RTL9: variants seen among roughly 807,000 people sequenced by gnomAD.
The protein encoded by RTL9 is retrotransposon Gag like 9, also known as retrotransposon Gag-like protein 9.
In RTL9, 19 loss-of-function variants were observed where a neutral mutation model predicts 44.7. That is an observed-to-expected ratio of 0.42 (90% CI 0.30 to 0.62). The LOEUF is 0.62. Ranked by LOEUF, RTL9 falls within the 20% of genes least tolerant of loss-of-function variation. The pLI is 0.16. For synonymous variants in RTL9, 407 were observed against 398.9 expected (o/e 1.02, Z -0.24); for missense variants, 1,105 against 1,080.6 (o/e 1.02, Z -0.32).
chrX:110,407,186 C>A (rs1444046423), intron 1 of RTL9, among the ~76,000 whole-genome samples: 3 of 112,250 alleles, frequency 2.7e-5, no homozygotes, highest in Non-Finnish European at 5.6e-5. Flanking sequence ...CTTCCCCATC[C>A]TGGTTTGCTC....
intron 1 of RTL9, among the ~76,000 whole-genome samples, chrX:110,362,843 G>A (rs530798312): frequency 8.1e-5 from 9 of 111,592 alleles, no homozygotes; most frequent in African/African-American, 2.3e-4. Context: ...CATTCACTAC[G>A]TATGTGGTAT....
At chrX:110,369,356 A>G (rs2068321606) in intron 1 of RTL9, among the ~76,000 whole-genome samples, 1 of 111,586 alleles carries the variant, frequency 9.0e-6, no homozygotes, top group African/African-American at 3.3e-5. Flanking sequence ...AGAAAAAAAG[A>G]AAAAGAAAGA....
chrX:110,405,047 T>A (rs1373251923), intron 1 of RTL9, among the ~76,000 whole-genome samples: 2 of 107,218 alleles, frequency 1.9e-5, no homozygotes, highest in Non-Finnish European at 3.8e-5. Context: ...TACGCTTTTG[T>A]CAGTTAAATT....
chrX:110,444,741 A>G (rs779738191), intron 1 of RTL9, among the ~76,000 whole-genome samples: 1 of 112,274 alleles, frequency 8.9e-6, no homozygotes, highest in South Asian at 3.8e-4. Flanking sequence ...TTCTGCTAGT[A>G]CCTCTAGGTA....
upstream of RTL9, among the ~76,000 whole-genome samples, chrX:110,415,093 TC>T (rs1036902071): frequency 3.5e-4 from 39 of 112,244 alleles, no homozygotes; most frequent in African/African-American, 1.2e-3. Context: ...CTTCTCTGTT[TC>T]CCCCATTAAA....
At chrX:110,440,732 T>C (rs2068874298) in intron 1 of RTL9, among the ~76,000 whole-genome samples, 1 of 112,923 alleles carries the variant, frequency 8.9e-6, no homozygotes, top group Non-Finnish European at 1.9e-5. Flanking sequence ...TGAAATTCCC[T>C]TTTCAGTAGA....
intron 1 of RTL9, among the ~76,000 whole-genome samples, chrX:110,381,958 C>T (rs1445318267): frequency 9.0e-6 from 1 of 111,163 alleles, no homozygotes; most frequent in Non-Finnish European, 1.9e-5. Context: ...CAGCATCATG[C>T]AGTACACCCT....
chrX:110,359,092 T>A (rs1184166734), intron 1 of RTL9, among the ~76,000 whole-genome samples, 176 bp downstream of exon 1: 1 of 111,535 alleles, frequency 9.0e-6, no homozygotes, highest in Non-Finnish European at 1.9e-5. Flanking sequence ...AAACTGAAGT[T>A]CAGAGATGTT....
chrX:110,453,676 G>A lies in RTL9; in HGVS notation c.3059G>A (p.Arg1020Lys), dbSNP rs1163071757. The stretch of plus-strand genomic sequence containing the variant: ...GGAAGGATGGCCACAGCGCCAATTA[G>A]AGCCTCTGCTTCTGGAGCAAGGTCC... The change falls in exon 1 of 2, where the codon AGA (arginine) becomes AAA (lysine). Residue 1020 changes from arginine (R) to lysine (K), a missense_variant. Coordinates refer to ENST00000540313, the Ensembl canonical transcript of RTL9. 6 of 1,210,420 alleles carry A rather than the reference G, an allele frequency of 5.0e-6. No homozygotes were observed. In the African/African-American group the frequency reaches 8.7e-5, roughly 18 times the overall value.
At chrX:110,442,903 T>A (rs756940048) in intron 1 of RTL9, among the ~76,000 whole-genome samples, 1 of 111,853 alleles carries the variant, frequency 8.9e-6, no homozygotes, top group Admixed American at 9.5e-5. Context: ...GAACCTGGGA[T>A]GAGAACTTTG....
intron 1 of RTL9, among the ~76,000 whole-genome samples, chrX:110,401,182 G>A (rs1385661388): frequency 8.9e-6 from 1 of 112,201 alleles, no homozygotes; most frequent in Non-Finnish European, 1.9e-5. Flanking sequence ...GGATTTGAAC[G>A]TAGGCTCCAA....
At chrX:110,421,196 A>G (rs2068714750) in intron 1 of RTL9, among the ~76,000 whole-genome samples, 1 of 112,412 alleles carries the variant, frequency 8.9e-6, no homozygotes, top group Non-Finnish European at 1.9e-5. Flanking sequence ...AATGCTTTCT[A>G]GCCCTTCAAG....
chrX:110,375,966 A>G (rs977880111), intron 1 of RTL9, among the ~76,000 whole-genome samples: 7 of 111,577 alleles, frequency 6.3e-5, no homozygotes, highest in Admixed American at 5.7e-4. Flanking sequence ...CAGTAATGCT[A>G]TGTCCTGTCT....
At chrX:110,404,581 A>G (rs1282857361) in intron 1 of RTL9, among the ~76,000 whole-genome samples, 1 of 112,275 alleles carries the variant, frequency 8.9e-6, no homozygotes, top group Middle Eastern at 4.2e-3. Flanking sequence ...TAACACATGC[A>G]GTAGGCACCT....
rs755715437 is a variant in RTL9, at chrX:110,361,917, C to T, written c.-168+3001C>T. Reference sequence around the variant, plus strand: ...CAAAAGCTGCCATAGATGAGCATGGCTGTGTTCCAATAAAACTGTATTTAC... The same window carrying T: ...CAAAAGCTGCCATAGATGAGCATGGTTGTGTTCCAATAAAACTGTATTTAC... On this transcript the variant is annotated intron_variant, in intron 1 of 2. Coordinates refer to the RTL9 transcript ENST00000520821. 2.7e-5 allele frequency among the ~76,000 whole-genome samples: 3 copies of T among 111,803 alleles called. No individual in the cohort carries two copies. In the East Asian group the frequency reaches 8.4e-4, roughly 31 times the overall value.
chrX:110,439,043 G>A (rs2068860362), intron 1 of RTL9, among the ~76,000 whole-genome samples: 1 of 111,875 alleles, frequency 8.9e-6, no homozygotes, highest in African/African-American at 3.3e-5. Context: ...GTACCCCTAA[G>A]AATGATTTGG....
Position 110,453,894 on chromosome X carries a change from T to G in RTL9, c.3277T>G (p.Ser1093Ala), listed in dbSNP as rs1180683394. The stretch of plus-strand genomic sequence containing the variant: ...ACCACAGACAGCCTTTGGAGTGATG[T>G]CCACTCCGGAAATCAAAGCCACAGA... The change falls in exon 1 of 2, where the codon TCC (serine) becomes GCC (alanine). Residue 1093 changes from serine to alanine, a missense_variant. By Grantham distance (99) the Ser-to-Ala change is moderately conservative. Transcript: ENST00000540313. 2.5e-6 allele frequency: 3 copies of G among 1,210,188 alleles called. No homozygotes were observed. The East Asian group carries it at 8.9e-5, about 36-fold the overall frequency.
chrX:110,368,954 A>G (rs1449141519), intron 1 of RTL9, among the ~76,000 whole-genome samples: 1 of 111,874 alleles, frequency 8.9e-6, no homozygotes, highest in African/African-American at 3.3e-5. Flanking sequence ...TCTGGTAGTG[A>G]GTTTAGTCTT....
intron 1 of RTL9, among the ~76,000 whole-genome samples, chrX:110,383,283 C>T (rs922875548): frequency 2.7e-5 from 3 of 111,037 alleles, no homozygotes; most frequent in Non-Finnish European, 5.7e-5. Flanking sequence ...CATCCCCTTT[C>T]CAAAGAGTAT....
Sources: allele counts gnomAD v4.1 joint callset (sites outside exome capture counted in the v4.1 genomes callset), GRCh38; gene constraint gnomAD v4.1.1; transcripts MANE v1.5; gene names NCBI Gene and HGNC (gene_info 2026-07-23, HGNC 2026-07-21).